Variants in NUP155 observed in about 807,000 individuals in gnomAD.
NUP155 encodes nuclear pore complex protein Nup155.
A neutral mutation model predicts 180.4 loss-of-function variants in NUP155; 71 were observed. The observed-to-expected ratio is 0.39, with a 90% CI of 0.33 to 0.48. The LOEUF (loss-of-function observed/expected upper bound fraction) is 0.48. Ranked by LOEUF, NUP155 falls within the 20% of genes least tolerant of loss-of-function variation. The pLI, the probability that NUP155 is intolerant of heterozygous loss-of-function variation, is 0.91. For missense variants in NUP155, 1,553 were observed against 1,648.9 expected (o/e 0.94, Z 1.01); for synonymous variants, 582 against 559.5 (o/e 1.04, Z -0.57).
Position 37,348,224 on chromosome 5 carries a change from A to G in NUP155, c.995+281T>C, listed in dbSNP as rs561322823. Among the ~76,000 whole-genome samples the G allele has an allele frequency of 2.3e-3, 356 of 152,156 alleles. 2 individuals carry two copies. Among genetic ancestry groups the G allele is most frequent in the African/African-American group, 8.3e-3 (345 of 41,532 alleles). On this transcript the variant is annotated intron_variant, in intron 9 of 34. Coordinates refer to ENST00000231498, the MANE Select transcript of NUP155 (RefSeq NM_153485.3). ...GAGCCTGTGGCAGGAGAATCAGTTGAACCCAGGAGGTGGAGGTTGCAGTGA... is the reference window on the plus strand; with the variant it reads ...GAGCCTGTGGCAGGAGAATCAGTTGGACCCAGGAGGTGGAGGTTGCAGTGA...
chr5:37,310,946 T>C (rs1323789654), intron 22 of NUP155, among the ~76,000 whole-genome samples: 1 of 152,136 alleles, frequency 6.6e-6, no homozygotes, highest in Non-Finnish European at 1.5e-5. Flanking sequence ...GTAGATCTAG[T>C]CCAAAACTCT....
intron 3 of NUP155, among the ~76,000 whole-genome samples, chr5:37,359,299 T>C (rs1051252911): frequency 2.0e-5 from 3 of 150,752 alleles, no homozygotes; most frequent in African/African-American, 7.3e-5. Flanking sequence ...ACTAGAAAAA[T>C]AGGGAAATAC....
At position 37,329,259 on chromosome 5, in the gene NUP155, T is replaced by A; in HGVS notation, c.1744A>T (p.Met582Leu). ...AFFRYGGEAQ[M>L]RFPTTLPPPS... ...GGCGGAAGAGTGGTTGGAAATCTCA[T>A]CTGTGCTTCACCACCATACCTATTT... The change falls in exon 16 of 35, where the codon ATG becomes TTG. Residue 582 changes from methionine (M) to leucine (L), a missense_variant. Met to Leu is a conservative substitution (Grantham distance 15). Coordinates refer to ENST00000231498, the MANE Select transcript of NUP155 (RefSeq NM_153485.3). 1 of 1,613,840 alleles carries A rather than the reference T, an allele frequency of 6.2e-7. No homozygotes were observed. The highest frequency in any genetic ancestry group is 8.5e-7 in the Non-Finnish European group (1 of 1,179,784).
intron 19 of NUP155, among the ~76,000 whole-genome samples, chr5:37,324,562 CT>C (rs905305569): frequency 6.9e-4 from 101 of 145,774 alleles, no homozygotes; most frequent in Non-Finnish European, 6.7e-4. Context: ...GAAACTTGAA[CT>C]TTTTTTTTTT....
intron 19 of NUP155, among the ~76,000 whole-genome samples, chr5:37,325,237 T>A (rs1367412573): frequency 6.6e-6 from 1 of 152,144 alleles, no homozygotes; most frequent in Non-Finnish European, 1.5e-5. Flanking sequence ...CATGGAGTTT[T>A]CGTTCATATA....
rs751344090 is a variant in NUP155 at position 37,360,786 on chromosome 5, A to AGG, written c.393-2637_393-2636dup. Among the ~76,000 whole-genome samples, 229 of 131,790 alleles carry AGG rather than the reference A, an allele frequency of 1.7e-3. 2 individuals carry two copies. The highest frequency in any genetic ancestry group is 0.011 in the Middle Eastern group (3 of 268). The allele number at this position is 131,790 out of a possible 152,430, so 86.5% of individuals were successfully genotyped here. ...CAGCAACGGAATGAGATAAAAAAAA[A>AGG]GGGGGGGGGGTCCAGGCGCAGTGGC... On this transcript the variant is annotated intron_variant, in intron 3 of 34. Coordinates refer to ENST00000231498, the MANE Select transcript of NUP155 (RefSeq NM_153485.3).
In NUP155 at chr5:37,304,815, C is replaced by T. The variant is rs776784941; in HGVS notation, c.3086G>A (p.Arg1029Gln). The change falls in exon 27 of 35, where the codon CGA becomes CAA. Residue 1029 changes from arginine (R) to glutamine (Q), a missense_variant. By Grantham distance (43) the Arg-to-Gln change is conservative. Coordinates refer to ENST00000231498, the MANE Select transcript of NUP155 (RefSeq NM_153485.3). ...AATACTAAAGAGCTCATCCTTGGAT[C>T]GCTGTGACAATTTAAGCATTTGTTC... ...HFEQMLKLSQ[R>Q]SKDELFSIAL... The T allele has an allele frequency of 2.0e-5, 32 of 1,613,756 alleles. No homozygotes were observed. The highest frequency in any genetic ancestry group is 8.9e-5 in the East Asian group (4 of 44,878).
At chr5:37,336,499 G>A (rs146992994) in intron 12 of NUP155, among the ~76,000 whole-genome samples, 67 of 152,088 alleles carry the variant, frequency 4.4e-4, no homozygotes, top group East Asian at 4.1e-3. Flanking sequence ...GCCAGGCATT[G>A]TTCTGAGTGC....
chr5:37,329,081 C>T (rs1432327885), intron 16 of NUP155, 109 bp downstream of exon 16: 13 of 762,242 alleles, frequency 1.7e-5, no homozygotes, highest in African/African-American at 3.5e-5. Flanking sequence ...ATCAATTATA[C>T]AATAGCAGTA....
At chr5:37,343,609 G>A (rs1051366855) in intron 9 of NUP155, among the ~76,000 whole-genome samples, 5 of 152,096 alleles carry the variant, frequency 3.3e-5, no homozygotes, top group African/African-American at 1.2e-4. Context: ...AAAGGAGAAA[G>A]GCCAGGTGCA....
intron 23 of NUP155, 91 bp downstream of exon 23, chr5:37,310,461 G>T: frequency 9.8e-7 from 1 of 1,015,930 alleles, no homozygotes; most frequent in Non-Finnish European, 1.5e-6. Flanking sequence ...AGATCTAACT[G>T]ACTGAGGTCC....
rs1420670377 is a variant in NUP155 at position 37,370,623 on chromosome 5, C to T, written c.157+198G>A. 2.0e-6 allele frequency: 3 copies of T among 1,486,916 alleles called. No individual in the cohort carries two copies. In the Admixed American group the frequency reaches 6.6e-5, roughly 33 times the overall value. The allele number at this position is 1,486,916 out of a possible 1,614,324, so 92.1% of individuals were successfully genotyped here. Reference sequence around the variant, plus strand: ...TGGGAGCTTGCTCTTCACTCTTGCCCTCTCAAGTATCTACAATGAAGAAAG... The same window carrying T: ...TGGGAGCTTGCTCTTCACTCTTGCCTTCTCAAGTATCTACAATGAAGAAAG... On this transcript the variant is annotated intron_variant, in intron 1 of 34. Transcript: ENST00000231498.
In NUP155 at chr5:37,325,638, G is replaced by A. The variant is rs562017945; in HGVS notation, c.2091+263C>T. Among the ~76,000 whole-genome samples the A allele has an allele frequency of 6.6e-5, 10 of 151,664 alleles. No homozygotes were observed. In the East Asian group the frequency reaches 1.2e-3, roughly 18 times the overall value. On this transcript the variant is annotated intron_variant, in intron 19 of 34. Transcript: ENST00000231498. ...ACAAAAATTAGCCAGGCATGGTGGC[G>A]CACACCTGTAATCCCAGGTACTCAG...
intron 5 of NUP155, among the ~76,000 whole-genome samples, chr5:37,351,956 C>T (rs2111601221): frequency 6.6e-6 from 1 of 152,154 alleles, no homozygotes; most frequent in Non-Finnish European, 1.5e-5. Context: ...GGTGCCGTGG[C>T]TCATGCCTGT....
At position 37,290,011 on chromosome 5, in the gene NUP155, T is replaced by C. The variant is rs1405851508; in HGVS notation, c.*1889A>G. 6.6e-6 allele frequency: 1 copy of C among 152,134 alleles called. No individual in the cohort carries two copies. Among genetic ancestry groups the C allele is most frequent in the African/African-American group, 2.4e-5 (1 of 41,418 alleles). The allele number at this position is 152,134 out of a possible 1,614,324, so 9.4% of individuals were successfully genotyped here. On this transcript the variant is annotated 3_prime_UTR_variant, in exon 35 of 35. Coordinates refer to ENST00000231498, the MANE Select transcript of NUP155 (RefSeq NM_153485.3). ...CTATTAAATATTCTACATTAGAAGA[T>C]TATAGGGAAAAGGGAGCTGAATTCT...
chr5:37,354,035 T>G (rs1449859098), intron 4 of NUP155, among the ~76,000 whole-genome samples: 1 of 152,090 alleles, frequency 6.6e-6, no homozygotes, highest in Non-Finnish European at 1.5e-5. Context: ...AAAATAAAAC[T>G]TACACCTATA....
chr5:37,306,728 G>T (rs1029620400), intron 25 of NUP155, among the ~76,000 whole-genome samples: 1 of 152,142 alleles, frequency 6.6e-6, no homozygotes. Flanking sequence ...GCCTCCCAAA[G>T]TGCTGGGATT....
chr5:37,295,904 C>T (rs1282470460), intron 32 of NUP155, among the ~76,000 whole-genome samples: 8 of 149,484 alleles, frequency 5.4e-5, no homozygotes, highest in East Asian at 4.0e-4. Context: ...CCTGGCCAGC[C>T]GCCCCGTCCG....
At chr5:37,350,739 G>T (rs1040319048) in intron 6 of NUP155, among the ~76,000 whole-genome samples, 2 of 151,152 alleles carry the variant, frequency 1.3e-5, no homozygotes, top group Non-Finnish European at 2.9e-5. Context: ...GGGGATGGAG[G>T]TTGCAGTGAG....
Sources: allele counts gnomAD v4.1 joint callset (sites outside exome capture counted in the v4.1 genomes callset), GRCh38; gene constraint gnomAD v4.1.1; transcripts MANE v1.5; gene names NCBI Gene and HGNC (gene_info 2026-07-23, HGNC 2026-07-21).